The following ANKRD7 variants were observed in gnomAD, a reference collection of about 807,000 sequenced individuals.
ANKRD7 encodes the protein ankyrin repeat domain 7.
In ANKRD7, 30 loss-of-function variants were observed where a neutral mutation model predicts 30.8. The observed-to-expected ratio is 0.97, with a 90% CI of 0.73 to 1.32. The LOEUF (loss-of-function observed/expected upper bound fraction) is 1.32, where lower values mean the gene tolerates loss of function less well. Ranked by LOEUF, ANKRD7 falls within the 40% of genes most tolerant of loss-of-function variation. The probability of loss-of-function intolerance (pLI) is 0.00; values close to 1 mark genes in which losing one functional copy is unlikely to be tolerated. For synonymous variants in ANKRD7, 97 were observed against 106.6 expected (o/e 0.91, Z 0.55); for missense variants, 264 against 295.7 (o/e 0.89, Z 0.79).
chr7:118,231,522 C>T (rs1052007272), intron 1 of ANKRD7, among the ~76,000 whole-genome samples: 1 of 152,024 alleles, frequency 6.6e-6, no homozygotes, highest in African/African-American at 2.4e-5. Flanking sequence ...ACTTCTCCTT[C>T]ACTCACCCTG....
intron 5 of ANKRD7, among the ~76,000 whole-genome samples, chr7:118,239,551 C>T (rs926181447): frequency 8.5e-5 from 13 of 152,096 alleles, no homozygotes; most frequent in African/African-American, 1.4e-4. Flanking sequence ...AATGTGCAGC[C>T]GACAGAACCA....
chr7:118,241,014 C>T (rs888066238), intron 6 of ANKRD7, among the ~76,000 whole-genome samples: 56 of 149,426 alleles, frequency 3.7e-4, no homozygotes, highest in African/African-American at 1.2e-3. Flanking sequence ...ATTAGCCGGG[C>T]GCGGTGGCGG....
rs1345601672 is a variant in ANKRD7, at chr7:118,234,772, T to A, written c.366T>A (p.Asp122Glu). The A allele has an allele frequency of 2.5e-6, 4 of 1,613,256 alleles. No individual in the cohort carries two copies. The highest frequency in any genetic ancestry group is 3.4e-6 in the Non-Finnish European group (4 of 1,179,782). The change falls in exon 3 of 7, where the codon GAT (aspartate) becomes GAA (glutamate). Residue 122 changes from aspartate (D) to glutamate (E), a missense_variant. Coordinates refer to ENST00000265224, the MANE Select transcript of ANKRD7 (RefSeq NM_019644.4). ...LNFGADPDLRDIRYNTVLHYA... is the reference protein window; with the variant it reads ...LNFGADPDLREIRYNTVLHYA... ...TTGGTGCAGACCCAGATCTGAGGGA[T>A]ATTCGTTATAATACTGTTCTTCACT... is the stretch of plus-strand genomic sequence containing the variant.
intron 1 of ANKRD7, among the ~76,000 whole-genome samples, chr7:118,228,683 C>G (rs1809583858): frequency 6.6e-6 from 1 of 152,128 alleles, no homozygotes; most frequent in Admixed American, 6.6e-5. Flanking sequence ...GGCTGAAATT[C>G]TAGAATATTT....
intron 1 of ANKRD7, among the ~76,000 whole-genome samples, chr7:118,227,383 TATC>T (rs2115994835): frequency 6.6e-6 from 1 of 152,314 alleles, no homozygotes; most frequent in South Asian, 2.1e-4. Flanking sequence ...GTCTCTTTCT[TATC>T]ATATGGCACT....
At chr7:118,237,468 C>T (rs1025637261) in intron 5 of ANKRD7, among the ~76,000 whole-genome samples, 1 of 152,004 alleles carries the variant, frequency 6.6e-6, no homozygotes, top group African/African-American at 2.4e-5. Context: ...TAATTTATAG[C>T]TTATGAATTT....
intron 5 of ANKRD7, 77 bp from the exon 6 acceptor site, chr7:118,239,832 A>C: frequency 1.1e-6 from 1 of 926,130 alleles, no homozygotes; most frequent in Non-Finnish European, 1.6e-6. Context: ...CTGGTACCTA[A>C]GGTTTTGATT....
At chr7:118,235,964 A>G in intron 3 of ANKRD7, 77 bp from the exon 4 acceptor site, 1 of 725,696 alleles carries the variant, frequency 1.4e-6, no homozygotes, top group Non-Finnish European at 2.3e-6. Flanking sequence ...ATGCACACAT[A>G]TTTTAAGTTG....
chr7:118,225,150 C>A, intron 1 of ANKRD7, 141 bp downstream of exon 1: 1 of 955,292 alleles, frequency 1.0e-6, no homozygotes, highest in Non-Finnish European at 1.5e-6. Flanking sequence ...TAACCATTGG[C>A]AGAGGGTCCC....
At chr7:118,230,918 G>A (rs144080694) in intron 1 of ANKRD7, among the ~76,000 whole-genome samples, 1 of 151,998 alleles carries the variant, frequency 6.6e-6, no homozygotes, top group African/African-American at 2.4e-5. Context: ...ATGGCCTAAT[G>A]GAAGTGATAT....
chr7:118,235,568 C>T (rs369442638), intron 3 of ANKRD7, among the ~76,000 whole-genome samples: 32 of 147,290 alleles, frequency 2.2e-4, no homozygotes, highest in East Asian at 2.0e-3. Flanking sequence ...GCCAAGATTG[C>T]GCCACTGCAC....
intron 5 of ANKRD7, among the ~76,000 whole-genome samples, chr7:118,237,793 A>G (rs938327065): frequency 2.0e-5 from 3 of 152,042 alleles, no homozygotes; most frequent in Admixed American, 6.5e-5. Flanking sequence ...TTGAGTAAAT[A>G]TAATATTTTC....
At chr7:118,235,541 G>A (rs1192100147) in intron 3 of ANKRD7, among the ~76,000 whole-genome samples, 2 of 151,440 alleles carry the variant, frequency 1.3e-5, no homozygotes, top group African/African-American at 2.4e-5. Context: ...GAACCCGGGA[G>A]GCGGGGCTTG....
intron 6 of ANKRD7, among the ~76,000 whole-genome samples, chr7:118,241,656 C>T (rs1809849032): frequency 6.7e-6 from 1 of 149,968 alleles, no homozygotes; most frequent in Non-Finnish European, 1.5e-5. Flanking sequence ...TTTCCTGCCT[C>T]AGCCTCCCAA....
rs181743166 is a variant in ANKRD7 at position 118,231,544 on chromosome 7, A to G, written c.180-2887A>G. ...CTTCACTCACCCTGAACTCTAAGTT[A>G]TCAGGAGCCCAAGAATGTCACTTAA... On this transcript the variant is annotated intron_variant, in intron 1 of 6. Coordinates refer to ENST00000265224, the MANE Select transcript of ANKRD7 (RefSeq NM_019644.4). 2.6e-5 allele frequency among the ~76,000 whole-genome samples: 4 copies of G among 152,204 alleles called. No homozygotes were observed. In the East Asian group the frequency reaches 7.7e-4, roughly 29 times the overall value.
intron 1 of ANKRD7, among the ~76,000 whole-genome samples, chr7:118,230,633 C>CGTGTGT (rs530818411): frequency 5.9e-4 from 87 of 148,070 alleles, no homozygotes; most frequent in African/African-American, 2.1e-3. Context: ...TCTGTTTGAA[C>CGTGTGT]GTGTGTGTGT....
At chr7:118,240,321 C>T (rs1451722770) in intron 6 of ANKRD7, among the ~76,000 whole-genome samples, 1 of 152,062 alleles carries the variant, frequency 6.6e-6, no homozygotes, top group Non-Finnish European at 1.5e-5. Flanking sequence ...CCTCCCCCCA[C>T]CTCACAACAG....
chr7:118,225,411 C>T (rs1324996676), intron 1 of ANKRD7, among the ~76,000 whole-genome samples: 1 of 151,850 alleles, frequency 6.6e-6, no homozygotes, highest in East Asian at 1.9e-4. Context: ...TCACTTGAAC[C>T]CGGAAGGCGG....
chr7:118,230,897 T>A (rs1388184242), intron 1 of ANKRD7, among the ~76,000 whole-genome samples: 1 of 152,028 alleles, frequency 6.6e-6, no homozygotes, highest in Admixed American at 6.6e-5. Flanking sequence ...TGTAAGCATA[T>A]GTGCATATTA....
Sources: allele counts gnomAD v4.1 joint callset (sites outside exome capture counted in the v4.1 genomes callset), GRCh38; gene constraint gnomAD v4.1.1; transcripts MANE v1.5; gene names NCBI Gene and HGNC (gene_info 2026-07-23, HGNC 2026-07-21).